Variants in DPP6 observed in about 807,000 individuals in gnomAD.
DPP6 encodes dipeptidyl peptidase like 6.
Under a neutral mutation model 122.6 loss-of-function variants are expected in DPP6, and 69 were observed. The observed-to-expected ratio is 0.56, with a 90% CI of 0.46 to 0.69. DPP6 has a LOEUF of 0.69. Ranked by LOEUF, DPP6 falls within the 30% of genes least tolerant of loss-of-function variation. DPP6 has a pLI of 0.00. For synonymous variants in DPP6, 418 were observed against 433.1 expected, an observed-to-expected ratio of 0.97 and a Z score of 0.43; for missense variants, 928 against 1,116.9, an observed-to-expected ratio of 0.83 and a Z score of 2.41.
chr7:153,958,666 C>T (rs1298934955), intron 1 of DPP6, among the ~76,000 whole-genome samples: 1 of 152,192 alleles, frequency 6.6e-6, no homozygotes, highest in Non-Finnish European at 1.5e-5. Flanking sequence ...ATCCTTGGTA[C>T]AGCCCTCTTT....
At position 153,979,714 on chromosome 7, in the gene DPP6, G is replaced by A. The variant is rs548099981; in HGVS notation, c.51+91980G>A. Among the ~76,000 whole-genome samples, 224 of 152,226 alleles carry A rather than the reference G, an allele frequency of 1.5e-3. 1 individual carries two copies. The highest frequency in any genetic ancestry group is 4.4e-3 in the African/African-American group (181 of 41,524). Reference sequence around the variant, plus strand: ...AATAGCTCTTATTATTTTGAGATACGTCCCATCAATACCTAGTTTATTGAG... The same window carrying A: ...AATAGCTCTTATTATTTTGAGATACATCCCATCAATACCTAGTTTATTGAG... On this transcript the variant is annotated intron_variant, in intron 1 of 25. Transcript: ENST00000404039.
the DPP6 span, among the ~76,000 whole-genome samples, chr7:153,764,570 T>C: frequency 6.6e-6 from 1 of 152,008 alleles, no homozygotes; most frequent in Non-Finnish European, 1.5e-5. Flanking sequence ...ATGTGACAAA[T>C]ACACAAAGCC....
chr7:154,187,498 A>G (rs1798406814), intron 1 of DPP6, among the ~76,000 whole-genome samples: 1 of 152,208 alleles, frequency 6.6e-6, no homozygotes, highest in South Asian at 2.1e-4. Context: ...AGCCCACAGA[A>G]ATCTGTGCAC....
intron 19 of DPP6, among the ~76,000 whole-genome samples, chr7:154,873,081 G>A (rs1804529616): frequency 6.6e-6 from 1 of 152,242 alleles, no homozygotes; most frequent in South Asian, 2.1e-4. Flanking sequence ...GGTCTCACTG[G>A]CTGGCATTTC....
chr7:154,385,312 G>A (rs1180333790), intron 1 of DPP6, among the ~76,000 whole-genome samples: 1 of 152,026 alleles, frequency 6.6e-6, no homozygotes, highest in African/African-American at 2.4e-5. Context: ...ACTTCACAGC[G>A]ACACATGCTC....
chr7:153,808,252 CGTGCGTGTGTGCCTGTGT>C, the DPP6 span, among the ~76,000 whole-genome samples: 2 of 144,808 alleles, frequency 1.4e-5, no homozygotes, highest in African/African-American at 2.6e-5. Context: ...TGTGCACGTG[CGTGCGTGTGTGCCTGTGT>C]GTGCGCACGT....
chr7:154,463,300 C>T (rs191150237), intron 2 of DPP6, among the ~76,000 whole-genome samples: 2,803 of 148,904 alleles, frequency 0.019, 41 homozygotes, highest in Non-Finnish European at 0.028. Context: ...CTCCGCCTCC[C>T]GGGTTCACGC....
At chr7:153,902,311 AGG>A (rs926717032) in intron 1 of DPP6, among the ~76,000 whole-genome samples, 1 of 152,174 alleles carries the variant, frequency 6.6e-6, no homozygotes, top group Non-Finnish European at 1.5e-5. Context: ...CTTTATTTAG[AGG>A]GGGGAAAAGC....
chr7:153,808,924 A>G, the DPP6 span, among the ~76,000 whole-genome samples: 1 of 152,012 alleles, frequency 6.6e-6, no homozygotes, highest in Non-Finnish European at 1.5e-5. Context: ...GAATTGCTAG[A>G]TCATATGGCA....
chr7:154,485,274 C>A (rs1199345717), intron 3 of DPP6, among the ~76,000 whole-genome samples: 1 of 152,198 alleles, frequency 6.6e-6, no homozygotes, highest in East Asian at 1.9e-4. Context: ...AAAATACACA[C>A]TGAAGCACAT....
chr7:153,948,386 T>C (rs958434773), intron 1 of DPP6, among the ~76,000 whole-genome samples: 3 of 152,030 alleles, frequency 2.0e-5, no homozygotes, highest in African/African-American at 7.2e-5. Context: ...TGATAGTCAA[T>C]GGTACATGAT....
chr7:154,102,766 G>T (rs544361253), intron 1 of DPP6, among the ~76,000 whole-genome samples: 144 of 152,206 alleles, frequency 9.5e-4, no homozygotes, highest in African/African-American at 3.3e-3. Context: ...AGCTCCCTTA[G>T]CTTTGCTTCC....
intron 3 of DPP6, among the ~76,000 whole-genome samples, chr7:154,519,041 T>C (rs941592049): frequency 1.3e-5 from 2 of 152,146 alleles, no homozygotes; most frequent in African/African-American, 4.8e-5. Context: ...ATGACTAGTG[T>C]GTGATGATAC....
chr7:153,892,318 ATT>A (rs5888534), intron 1 of DPP6, among the ~76,000 whole-genome samples: 2 of 148,820 alleles, frequency 1.3e-5, no homozygotes, highest in South Asian at 2.1e-4. Flanking sequence ...AGCTTCTATT[ATT>A]TTTTTTTTTC....
At chr7:154,431,236 C>G (rs1818337554) in intron 1 of DPP6, among the ~76,000 whole-genome samples, 1 of 152,100 alleles carries the variant, frequency 6.6e-6, no homozygotes, top group African/African-American at 2.4e-5. Flanking sequence ...TTTCAAGATG[C>G]AGTTACATCA....
intron 1 of DPP6, among the ~76,000 whole-genome samples, chr7:154,329,136 T>C (rs1808698952): frequency 1.3e-5 from 2 of 152,244 alleles, no homozygotes; most frequent in African/African-American, 4.8e-5. Context: ...TGCTTAAGTT[T>C]GTGGATTTAC....
the DPP6 span, among the ~76,000 whole-genome samples, chr7:153,801,630 C>T: frequency 1.3e-5 from 2 of 152,172 alleles, no homozygotes; most frequent in South Asian, 4.2e-4. Flanking sequence ...TATTAAGTGG[C>T]AACAGAGGAG....
chr7:154,071,494 A>G (rs911835547), intron 1 of DPP6, among the ~76,000 whole-genome samples: 1 of 152,236 alleles, frequency 6.6e-6, no homozygotes, highest in African/African-American at 2.4e-5. Context: ...CTTCAGACAT[A>G]GTAGCTCAGT....
chr7:154,218,963 C>T (rs965391668), intron 1 of DPP6, among the ~76,000 whole-genome samples: 6 of 152,146 alleles, frequency 3.9e-5, no homozygotes, highest in Non-Finnish European at 8.8e-5. Flanking sequence ...CATTTCTGTA[C>T]ACATATTGAA....
Sources: gnomAD v4.1 joint callset for allele counts (sites outside exome capture counted in the v4.1 genomes callset) on GRCh38, gnomAD v4.1.1 for gene constraint, MANE v1.5 for transcripts, NCBI Gene and HGNC (gene_info 2026-07-23, HGNC 2026-07-21) for gene names.